IPO5: variants seen among roughly 807,000 people sequenced by gnomAD.
The protein encoded by IPO5 is importin 5, also known as importin-5.
In IPO5, 18 loss-of-function variants were observed where a neutral mutation model predicts 143.3. That is an observed-to-expected ratio of 0.13 (90% CI 0.09 to 0.19). IPO5 has a LOEUF of 0.19. IPO5 is among the 10% of genes least tolerant of loss of function. IPO5 has a pLI of 1.00. For synonymous variants in IPO5, 477 were observed against 465.7 expected (o/e 1.02, Z -0.31); for missense variants, 1,013 against 1,336.9 (o/e 0.76, Z 3.78).
At chr13:97,961,360 G>A (rs1377601054) in intron 2 of IPO5, among the ~76,000 whole-genome samples, 1 of 152,024 alleles carries the variant, frequency 6.6e-6, no homozygotes, top group African/African-American at 2.4e-5. Context: ...AAATTACTGA[G>A]TCAAATGGTA....
chr13:97,966,419 T>C (rs557435735), intron 2 of IPO5, among the ~76,000 whole-genome samples: 41 of 152,316 alleles, frequency 2.7e-4, no homozygotes, highest in African/African-American at 9.4e-4. Flanking sequence ...ATTAATATGG[T>C]ATATTACATT....
rs1467898404 is a variant in IPO5 at position 98,014,165 on chromosome 13, C to G, written c.2276C>G (p.Thr759Arg). 1.5e-5 allele frequency: 24 copies of G among 1,613,240 alleles called. No homozygotes were observed. The highest frequency in any genetic ancestry group is 1.9e-5 in the Non-Finnish European group (23 of 1,179,542). ...GATGCTCTAATTAAGGCCATTGGTA[C>G]AGAACCAGATTCAGACGTCCTCTCA... ...MCDALIKAIG[T>R]EPDSDVLSEI... Residue 759 changes from threonine to arginine, a missense_variant, in exon 22 of 29, where the codon ACA (threonine) becomes AGA (arginine). Thr to Arg is a moderately conservative substitution (Grantham distance 71). Coordinates refer to ENST00000651721, the MANE Select transcript of IPO5 (RefSeq NM_002271.6).
chr13:98,001,855 C>T (rs1177235203), intron 13 of IPO5: 4 of 152,202 alleles, frequency 2.6e-5, no homozygotes, highest in Admixed American at 6.5e-5. Context: ...TTTAAGTGAT[C>T]CACCCGCCTC....
chr13:98,002,917 G>T lies in IPO5; in HGVS notation c.1377G>T (p.Gln459His), dbSNP rs940314347. ...TMEDQGNQRVQAHAAAALINF... is the reference protein window; with the variant it reads ...TMEDQGNQRVHAHAAAALINF... The stretch of plus-strand genomic sequence containing the variant: ...AAGACCAAGGCAATCAACGTGTGCA[G>T]GCCCATGCAGCTGCTGCCCTCATTA... The change falls in exon 16 of 29, where the codon CAG (glutamine) becomes CAT (histidine). Residue 459 changes from glutamine (Q) to histidine (H), a missense_variant. By Grantham distance (24) the Gln-to-His change is conservative (BLOSUM62 0). Around this residue, in one of 2 missense-constraint regions of IPO5, gnomAD observed 685 missense variants for 994.9 expected, o/e 0.69. Coordinates refer to ENST00000651721, the MANE Select transcript of IPO5 (RefSeq NM_002271.6). The T allele has an allele frequency of 6.2e-7, 1 of 1,613,970 alleles. No individual in the cohort carries two copies. The highest frequency in any genetic ancestry group is 1.3e-5 in the African/African-American group (1 of 74,950).
chr13:98,021,446 C>T, intron 28 of IPO5: 1 of 350,390 alleles, frequency 2.9e-6, no homozygotes, highest in Non-Finnish European at 5.0e-6. Context: ...TGTCATCTGC[C>T]AAAAAACTTT....
chr13:97,987,189 TG>T (rs1396184909), intron 6 of IPO5: 1 of 164,364 alleles, frequency 6.1e-6, no homozygotes, highest in Non-Finnish European at 1.5e-5. Context: ...GCTTCCATGG[TG>T]TCTTGGGTTT....
At chr13:97,990,278 G>T (rs1171052234) in intron 8 of IPO5, 56 bp downstream of exon 8, 3 of 1,311,630 alleles carry the variant, frequency 2.3e-6, no homozygotes, top group Middle Eastern at 3.7e-4. Flanking sequence ...ATTTGCGAAA[G>T]AAATTAGTAT....
intron 6 of IPO5, among the ~76,000 whole-genome samples, chr13:97,987,727 G>T (rs1044391089): frequency 3.3e-4 from 50 of 152,078 alleles, no homozygotes; most frequent in African/African-American, 8.7e-4. Context: ...GGTCTCAAAT[G>T]CCTGACCTCA....
At chr13:97,995,695 C>T (rs1888222296) in intron 11 of IPO5, among the ~76,000 whole-genome samples, 1 of 152,012 alleles carries the variant, frequency 6.6e-6, no homozygotes, top group African/African-American at 2.4e-5. Context: ...GCAGAGCTTG[C>T]AGTGAGCCGA....
At chr13:97,988,997 A>T (rs527398396) in intron 6 of IPO5, 65 bp from the exon 7 acceptor site, 13 of 859,966 alleles carry the variant, frequency 1.5e-5, no homozygotes, top group Admixed American at 1.4e-4. Flanking sequence ...AAATGAAAGG[A>T]TTTACTCCTA....
chr13:98,006,233 T>G lies in IPO5; in HGVS notation c.1601T>G (p.Phe534Cys). The change falls in exon 17 of 29, where the codon TTT becomes TGT. Residue 534 changes from phenylalanine (F) to cysteine (C), a missense_variant. Physicochemically the swap from Phe to Cys is radical, Grantham distance 205 (BLOSUM62 -2). Coordinates refer to ENST00000651721, the MANE Select transcript of IPO5 (RefSeq NM_002271.6). ...AAATTTGTCCCCTACTATGATTTAT[T>G]TATGCCATCACTGAAGCACATCGTT... is the stretch of plus-strand genomic sequence containing the variant. The part of the protein sequence containing the change: ...EEKFVPYYDL[F>C]MPSLKHIVEN... The G allele has an allele frequency of 1.2e-6, 2 of 1,613,786 alleles. No individual in the cohort carries two copies. Among genetic ancestry groups the G allele is most frequent in the Non-Finnish European group, 1.7e-6 (2 of 1,179,740 alleles).
intron 3 of IPO5, among the ~76,000 whole-genome samples, chr13:97,973,543 T>C (rs539120806): frequency 2.0e-5 from 3 of 152,312 alleles, no homozygotes; most frequent in Non-Finnish European, 4.4e-5. Flanking sequence ...TGTCAGGACA[T>C]CTGCTATCTA....
chr13:98,007,078 G>A (rs1464379769), intron 17 of IPO5, among the ~76,000 whole-genome samples: 1 of 151,504 alleles, frequency 6.6e-6, no homozygotes, highest in Non-Finnish European at 1.5e-5. Flanking sequence ...TCACTGTGTT[G>A]GCCAGGCTAG....
intron 2 of IPO5, among the ~76,000 whole-genome samples, chr13:97,969,175 A>ATTTTTTTTTTTTTTTTTTTTTTT (rs60300496): frequency 2.3e-5 from 1 of 43,896 alleles, no homozygotes; most frequent in East Asian, 8.2e-4. Context: ...ATATATATAT[A>ATTTTTTTTTTTTTTTTTTTTTTT]TTTTTTTTTT....
chr13:97,960,422 A>T (rs2139484205), intron 2 of IPO5: 1 of 152,322 alleles, frequency 6.6e-6, no homozygotes, highest in East Asian at 1.9e-4. Flanking sequence ...ACTGTGAATG[A>T]TAGGGGGAAA....
At chr13:97,976,627 C>T (rs1191183996) in intron 3 of IPO5, 66 bp from the exon 4 acceptor site, 3 of 681,256 alleles carry the variant, frequency 4.4e-6, no homozygotes, top group Non-Finnish European at 6.3e-6. Context: ...GCCCCCGCCC[C>T]TCCCGCGGCC....
At chr13:97,993,542 T>C (rs1457002264) in intron 11 of IPO5, among the ~76,000 whole-genome samples, 9 of 152,216 alleles carry the variant, frequency 5.9e-5, no homozygotes, top group Admixed American at 5.9e-4. Context: ...CGGGGATATA[T>C]AGATGCACAG....
intron 20 of IPO5, among the ~76,000 whole-genome samples, chr13:98,011,496 T>G (rs1889713579): frequency 6.6e-6 from 1 of 151,654 alleles, no homozygotes; most frequent in Non-Finnish European, 1.5e-5. Context: ...TTCACCATGT[T>G]GGCCAGGCTG....
chr13:98,017,320 CTTTTT>C (rs1319453215), intron 25 of IPO5, among the ~76,000 whole-genome samples: 6 of 150,840 alleles, frequency 4.0e-5, no homozygotes, highest in Non-Finnish European at 7.4e-5. Flanking sequence ...TTATAGACTT[CTTTTT>C]GTTTGTTTGT....
Sources: gnomAD v4.1 joint callset for allele counts (sites outside exome capture counted in the v4.1 genomes callset) on GRCh38, gnomAD v4.1.1 for gene constraint, gnomAD v4.1.1 regional missense constraint, MANE v1.5 for transcripts, NCBI Gene and HGNC (gene_info 2026-07-23, HGNC 2026-07-21) for gene names.